HTR2C: variants seen among roughly 807,000 people sequenced by gnomAD.
The protein encoded by HTR2C is 5-hydroxytryptamine receptor 2C, also known as 5-hydroxytryptamine (serotonin) receptor 2C, G protein-coupled.
HTR2C carries 5 observed loss-of-function variants against 21.0 expected under a neutral mutation model. The ratio of observed to expected loss-of-function variants is 0.24; its 90% CI spans 0.12 to 0.50. The LOEUF is 0.50. Ranked by LOEUF, HTR2C falls within the 20% of genes least tolerant of loss-of-function variation. The pLI, the probability that HTR2C is intolerant of heterozygous loss-of-function variation, is 0.98. For synonymous variants in HTR2C, 150 were observed against 145.3 expected (o/e 1.03, Z -0.23); for missense variants, 271 against 371.2 (o/e 0.73, Z 2.22).
chrX:114,739,595 A>G (rs1265496115), intron 4 of HTR2C, among the ~76,000 whole-genome samples: 3 of 111,658 alleles, frequency 2.7e-5, no homozygotes, highest in African/African-American at 9.8e-5. Flanking sequence ...CAAATGATTG[A>G]TATCATTGGC....
In HTR2C at chrX:114,725,846, C is replaced by G. The variant is rs1933440720; in HGVS notation, c.-79-1012C>G. On this transcript the variant is annotated intron_variant, in intron 2 of 5. Transcript: ENST00000276198. ...CTGCTCAGGGGTCAGGGGTCAGGAA[C>G]CCACTTGAGGAGGCAGTCTGCCCGT... 3.6e-5 allele frequency among the ~76,000 whole-genome samples: 4 copies of G among 110,836 alleles called. No homozygotes were observed. The South Asian group carries it at 1.6e-3, about 44-fold the overall frequency.
At chrX:114,683,537 C>T (rs930009826) in intron 2 of HTR2C, among the ~76,000 whole-genome samples, 1 of 111,219 alleles carries the variant, frequency 9.0e-6, no homozygotes. Context: ...GTAATCCCAG[C>T]ATTTTGGGAG....
At chrX:114,842,319 G>C (rs1302560410) in intron 4 of HTR2C, among the ~76,000 whole-genome samples, 1 of 112,328 alleles carries the variant, frequency 8.9e-6, no homozygotes, top group African/African-American at 3.2e-5. Flanking sequence ...AGACTTCTCT[G>C]ATGGCCCCCT....
rs202034357 is a variant in HTR2C at position 114,726,957 on chromosome X, G to A, written c.21G>A (p.Ala7=). 1.1e-4 allele frequency: 125 copies of A among 1,112,110 alleles called. No individual in the cohort carries two copies. Among genetic ancestry groups the A allele is most frequent in the South Asian group, 7.5e-4 (34 of 45,419 alleles). The allele number at this position is 1,112,110 out of a possible 1,213,427, so 91.7% of individuals were successfully genotyped here. ...CAATCATGGTGAACCTGAGGAATGC[G>A]GTGCATTCATTCCTGTAAGGATGTT... MVNLRN[A]VHSFLVHLIG... Residue 7 remains alanine, a synonymous_variant, in exon 3 of 6, where the codon GCG becomes GCA. Coordinates refer to ENST00000276198, the MANE Select transcript of HTR2C (RefSeq NM_000868.4).
At chrX:114,670,325 G>A (rs1931328211) in intron 2 of HTR2C, among the ~76,000 whole-genome samples, 1 of 106,125 alleles carries the variant, frequency 9.4e-6, no homozygotes, top group Non-Finnish European at 1.9e-5. Context: ...AACGTGGGAG[G>A]CAGAGGTTGC....
intron 4 of HTR2C, among the ~76,000 whole-genome samples, chrX:114,746,393 A>T (rs1478195259): frequency 8.9e-6 from 1 of 111,930 alleles, no homozygotes. Flanking sequence ...GTTCAGCAAT[A>T]TATAAAAGGG....
chrX:114,833,818 G>C (rs2070753424), intron 4 of HTR2C, among the ~76,000 whole-genome samples: 1 of 110,544 alleles, frequency 9.0e-6, no homozygotes, highest in South Asian at 4.0e-4. Flanking sequence ...GATCTTTCCT[G>C]CTTTCTCTTG....
intron 4 of HTR2C, among the ~76,000 whole-genome samples, chrX:114,763,901 C>A (rs782541327): frequency 9.0e-6 from 1 of 111,293 alleles, no homozygotes; most frequent in Non-Finnish European, 1.9e-5. Context: ...CACTTCACTG[C>A]GGGATCTTTA....
intron 4 of HTR2C, among the ~76,000 whole-genome samples, chrX:114,754,356 A>C (rs1556429118): frequency 1.8e-5 from 2 of 112,178 alleles, no homozygotes; most frequent in Non-Finnish European, 3.8e-5. Flanking sequence ...TAACCTTGAA[A>C]AAGAATGCAT....
intron 4 of HTR2C, among the ~76,000 whole-genome samples, chrX:114,788,576 T>C (rs2070201176): frequency 9.0e-6 from 1 of 110,585 alleles, no homozygotes; most frequent in Admixed American, 9.7e-5. Context: ...GAGTATGGAT[T>C]CTAATAACAT....
intron 4 of HTR2C, among the ~76,000 whole-genome samples, chrX:114,790,069 AAATT>A (rs1258019770): frequency 8.9e-6 from 1 of 112,303 alleles, no homozygotes; most frequent in Non-Finnish European, 1.9e-5. Flanking sequence ...TGCATAAAAT[AAATT>A]GTTTATTCTG....
intron 2 of HTR2C, among the ~76,000 whole-genome samples, chrX:114,638,258 A>G (rs1359763336): frequency 1.8e-5 from 2 of 111,680 alleles, no homozygotes; most frequent in African/African-American, 6.5e-5. Flanking sequence ...CCGAGAGTTC[A>G]ATATAATGTG....
intron 4 of HTR2C, among the ~76,000 whole-genome samples, chrX:114,760,442 C>A (rs2069854584): frequency 8.9e-6 from 1 of 111,864 alleles, no homozygotes; most frequent in South Asian, 3.7e-4. Context: ...CATAAAATAT[C>A]TGCTATGGAG....
At chrX:114,755,538 C>T (rs2069803658) in intron 4 of HTR2C, among the ~76,000 whole-genome samples, 1 of 111,143 alleles carries the variant, frequency 9.0e-6, no homozygotes, top group Non-Finnish European at 1.9e-5. Flanking sequence ...GTATTCAGGG[C>T]CCACCTACAT....
At chrX:114,845,856 T>A (rs1464917100) in intron 4 of HTR2C, among the ~76,000 whole-genome samples, 1 of 108,102 alleles carries the variant, frequency 9.3e-6, no homozygotes, top group African/African-American at 3.4e-5. Flanking sequence ...CAAAAAAAAA[T>A]TTAAAAATTA....
chrX:114,694,189 CTG>C (rs1420773419), intron 2 of HTR2C, among the ~76,000 whole-genome samples: 3 of 110,607 alleles, frequency 2.7e-5, no homozygotes, highest in Admixed American at 9.6e-5. Flanking sequence ...ATTAATGAAA[CTG>C]TTTATTTTCC....
Position 114,673,859 on chromosome X carries a change from T to C in HTR2C, c.-79-52999T>C, listed in dbSNP as rs782447093. The stretch of plus-strand genomic sequence containing the variant: ...AACTTTTTTTGCTATAGACTGAAAC[T>C]CAAAATTCTACTTCTATAACTAAAA... On this transcript the variant is annotated intron_variant, in intron 2 of 5. Transcript: ENST00000276198. 7.2e-4 allele frequency among the ~76,000 whole-genome samples: 81 copies of C among 111,905 alleles called. 2 individuals carry two copies. The South Asian group carries it at 0.028, about 39-fold the overall frequency.
chrX:114,643,422 A>G (rs1556406829), intron 2 of HTR2C, among the ~76,000 whole-genome samples: 2 of 110,905 alleles, frequency 1.8e-5, no homozygotes, highest in African/African-American at 6.6e-5. Context: ...TCTTATTGCC[A>G]TAAAGCTTTA....
intron 5 of HTR2C, among the ~76,000 whole-genome samples, chrX:114,897,808 G>A (rs1556484434): frequency 8.9e-6 from 1 of 112,367 alleles, no homozygotes; most frequent in Admixed American, 9.4e-5. Context: ...ATCTATCATT[G>A]ATGGGCATTT....
Sources: gnomAD v4.1 joint callset for allele counts (sites outside exome capture counted in the v4.1 genomes callset) on GRCh38, gnomAD v4.1.1 for gene constraint, MANE v1.5 for transcripts, NCBI Gene and HGNC (gene_info 2026-07-23, HGNC 2026-07-21) for gene names.